Variants in FTCDNL1 observed in about 807,000 individuals in gnomAD.
FTCDNL1 encodes formiminotransferase cyclodeaminase N-terminal like.
FTCDNL1 carries 11 observed loss-of-function variants against 5.9 expected under a neutral mutation model. The observed-to-expected ratio is 1.87, with a 90% confidence interval of 1.18 to 3.10. The LOEUF is 3.10. Ranked by LOEUF, FTCDNL1 falls within the 30% of genes most tolerant of loss-of-function variation. The pLI is 0.00. For synonymous variants in FTCDNL1, 58 were observed against 24.8 expected (o/e 2.34, Z -3.99); for missense variants, 115 against 65.5 (o/e 1.76, Z -2.61).
intron 3 of FTCDNL1, among the ~76,000 whole-genome samples, chr2:199,788,133 G>A (rs1699753358): frequency 6.6e-6 from 1 of 152,184 alleles, no homozygotes; most frequent in African/African-American, 2.4e-5. Flanking sequence ...ATTAGAAGAT[G>A]AAAGCTTATT....
At chr2:199,832,335 A>C (rs6738494) in intron 3 of FTCDNL1, among the ~76,000 whole-genome samples, 125,043 of 151,994 alleles carry the variant, frequency 0.82, 51,497 homozygotes, top group Admixed American at 0.89. Flanking sequence ...TATTTCATGG[A>C]CTCAGTTTTG....
At chr2:199,702,366 G>A in the FTCDNL1 span, among the ~76,000 whole-genome samples, 1 of 152,116 alleles carries the variant, frequency 6.6e-6, no homozygotes, top group Admixed American at 6.6e-5. Flanking sequence ...AACAAAGGTG[G>A]GAAAAAAGAA....
intron 3 of FTCDNL1, among the ~76,000 whole-genome samples, chr2:199,766,789 C>T (rs919925897): frequency 3.9e-5 from 6 of 151,934 alleles, no homozygotes; most frequent in African/African-American, 1.5e-4. Flanking sequence ...ATAATATGTC[C>T]GATTTAATTG....
intron 3 of FTCDNL1, among the ~76,000 whole-genome samples, chr2:199,764,750 C>T (rs922400790): frequency 3.3e-5 from 5 of 152,144 alleles, no homozygotes; most frequent in African/African-American, 1.2e-4. Context: ...GTCCACAGTG[C>T]CCCTAGGCAT....
chr2:199,667,970 A>G, the FTCDNL1 span, among the ~76,000 whole-genome samples: 1,845 of 152,312 alleles, frequency 0.012, 25 homozygotes, highest in Non-Finnish European at 0.021. Context: ...CGAACCCAAA[A>G]TATTATTTTT....
At chr2:199,782,698 C>T (rs756315496) in intron 3 of FTCDNL1, among the ~76,000 whole-genome samples, 13 of 152,190 alleles carry the variant, frequency 8.5e-5, no homozygotes, top group Non-Finnish European at 1.5e-4. Context: ...TAAGAGGGGG[C>T]CATGTTAAAA....
At chr2:199,823,599 G>A (rs1163721831) in intron 3 of FTCDNL1, among the ~76,000 whole-genome samples, 1 of 152,204 alleles carries the variant, frequency 6.6e-6, no homozygotes, top group Non-Finnish European at 1.5e-5. Flanking sequence ...GTGGCAAGGT[G>A]CATTGTCAAT....
chr2:199,764,900 G>C (rs187443502), intron 3 of FTCDNL1, among the ~76,000 whole-genome samples: 1 of 152,018 alleles, frequency 6.6e-6, no homozygotes, highest in African/African-American at 2.4e-5. Context: ...TCAGACCTTC[G>C]CACACAGCCA....
chr2:199,699,756 A>C, the FTCDNL1 span, among the ~76,000 whole-genome samples: 1 of 152,242 alleles, frequency 6.6e-6, no homozygotes, highest in Non-Finnish European at 1.5e-5. Flanking sequence ...TATTCAAATC[A>C]ATAAATGTGA....
downstream of FTCDNL1, among the ~76,000 whole-genome samples, chr2:199,804,435 A>C (rs115098367): frequency 1.8e-3 from 279 of 152,338 alleles, no homozygotes; most frequent in African/African-American, 6.3e-3. Flanking sequence ...TATTTAAATT[A>C]TATAATTACA....
At chr2:199,792,457 T>C (rs765492740) in intron 3 of FTCDNL1, among the ~76,000 whole-genome samples, 1 of 152,164 alleles carries the variant, frequency 6.6e-6, no homozygotes, top group Non-Finnish European at 1.5e-5. Flanking sequence ...CTTCTGTCCT[T>C]ACCACTGGTA....
chr2:199,829,521 C>T (rs911095078), intron 3 of FTCDNL1, among the ~76,000 whole-genome samples: 1 of 152,134 alleles, frequency 6.6e-6, no homozygotes, highest in Non-Finnish European at 1.5e-5. Flanking sequence ...ATATTCATAA[C>T]ACAAATGTCT....
At chr2:199,686,156 T>G in the FTCDNL1 span, among the ~76,000 whole-genome samples, 1 of 152,182 alleles carries the variant, frequency 6.6e-6, no homozygotes, top group African/African-American at 2.4e-5. Context: ...TGAACAGAGA[T>G]ATGATCATAG....
At chr2:199,664,756 G>A in the FTCDNL1 span, among the ~76,000 whole-genome samples, 6 of 152,028 alleles carry the variant, frequency 3.9e-5, no homozygotes, top group African/African-American at 1.4e-4. Flanking sequence ...TCTTCCCATT[G>A]GAATTACTTC....
At chr2:199,751,634 G>A in the FTCDNL1 span, among the ~76,000 whole-genome samples, 4 of 152,012 alleles carry the variant, frequency 2.6e-5, no homozygotes, top group African/African-American at 7.3e-5. Context: ...GCTGCAGGGC[G>A]CCTTTCTCCC....
the FTCDNL1 span, among the ~76,000 whole-genome samples, chr2:199,715,107 A>T: frequency 6.6e-6 from 1 of 152,036 alleles, no homozygotes; most frequent in East Asian, 1.9e-4. Context: ...AAATAATAAT[A>T]ATTAAAAAAC....
the FTCDNL1 span, among the ~76,000 whole-genome samples, chr2:199,688,868 G>A: frequency 6.6e-6 from 1 of 152,106 alleles, no homozygotes; most frequent in Non-Finnish European, 1.5e-5. Context: ...GCCTGCTCTA[G>A]GCTTTCCTAC....
At chr2:199,705,577 GC>G in the FTCDNL1 span, among the ~76,000 whole-genome samples, 2 of 152,136 alleles carry the variant, frequency 1.3e-5, no homozygotes, top group Admixed American at 1.3e-4. Context: ...TAATCCATAT[GC>G]TTTTTATTTC....
intron 3 of FTCDNL1, among the ~76,000 whole-genome samples, chr2:199,826,637 A>C (rs915906337): frequency 1.1e-4 from 17 of 152,156 alleles, no homozygotes; most frequent in African/African-American, 3.9e-4. Flanking sequence ...TCTACTAAAA[A>C]TACAAAAATT....
Sources: gnomAD v4.1 joint callset for allele counts (sites outside exome capture counted in the v4.1 genomes callset) on GRCh38, gnomAD v4.1.1 for gene constraint, MANE v1.5 for transcripts, NCBI Gene and HGNC (gene_info 2026-07-23, HGNC 2026-07-21) for gene names.